The following ZNF536 variants were observed in gnomAD, a reference collection of about 807,000 sequenced individuals.
The protein encoded by ZNF536 is zinc finger protein 536.
A neutral mutation model predicts 84.5 loss-of-function variants in ZNF536; 13 were observed. The ratio of observed to expected loss-of-function variants is 0.15; its 90% CI spans 0.10 to 0.24. ZNF536 has a LOEUF of 0.24. Among genes scored for constraint, ZNF536 ranks in the 10% least tolerant of loss-of-function variants. The probability of loss-of-function intolerance (pLI) is 1.00; values close to 1 mark genes in which losing one functional copy is unlikely to be tolerated. For missense variants in ZNF536, 1,536 were observed against 1,747.5 expected, an observed-to-expected ratio of 0.88 and a Z score of 2.16; for synonymous variants, 811 against 742.5, an observed-to-expected ratio of 1.09 and a Z score of -1.50.
At chr19:30,287,322 G>A (rs1272163619) in intron 2 of ZNF536, among the ~76,000 whole-genome samples, 1 of 148,326 alleles carries the variant, frequency 6.7e-6, no homozygotes, top group African/African-American at 2.5e-5. Context: ...TAGATGAGTG[G>A]ATGGGTGGGT....
At chr19:30,600,888 C>A (rs1449605160) in intron 1 of ZNF536, among the ~76,000 whole-genome samples, 2 of 152,214 alleles carry the variant, frequency 1.3e-5, no homozygotes, top group African/African-American at 4.8e-5. Flanking sequence ...GAGAAGAGTT[C>A]TTTTGTTCCG....
rs538407509 is a variant in ZNF536 at position 30,695,961 on chromosome 19, A to G, written c.170-14796A>G. 9.3e-4 allele frequency among the ~76,000 whole-genome samples: 142 copies of G among 152,306 alleles called. 1 individual carries two copies. The highest frequency in any genetic ancestry group is 3.4e-3 in the Middle Eastern group (1 of 294). On this transcript the variant is annotated intron_variant, in intron 1 of 1. Transcript: ENST00000592773. ...GGGAAGCGAGGGATATTAAATGTGT[A>G]TCATAGGTGCTGCGTCTGCTAATTT... is the stretch of plus-strand genomic sequence containing the variant.
At chr19:30,390,570 G>A (rs745311509) in intron 1 of ZNF536, among the ~76,000 whole-genome samples, 3 of 152,218 alleles carry the variant, frequency 2.0e-5, no homozygotes, top group Non-Finnish European at 4.4e-5. Flanking sequence ...CTCTTTGAGA[G>A]CAAATCCCAC....
At chr19:30,252,689 TA>T (rs1250695129) in intron 1 of ZNF536, among the ~76,000 whole-genome samples, 1 of 152,226 alleles carries the variant, frequency 6.6e-6, no homozygotes, top group Non-Finnish European at 1.5e-5. Context: ...TTTGCCTGCC[TA>T]ATGGAGTGGC....
chr19:30,575,687 G>A (rs2046706573), intron 1 of ZNF536, among the ~76,000 whole-genome samples: 1 of 152,216 alleles, frequency 6.6e-6, no homozygotes, highest in African/African-American at 2.4e-5. Flanking sequence ...AGGCTATGGA[G>A]AGAAATAAGG....
chr19:30,375,634 T>C (rs754098283), intron 1 of ZNF536, among the ~76,000 whole-genome samples: 2 of 152,196 alleles, frequency 1.3e-5, no homozygotes, highest in African/African-American at 4.8e-5. Context: ...TGTCCGCTTG[T>C]GCGCATATGG....
chr19:30,699,006 G>A (rs1171420941), intron 1 of ZNF536, among the ~76,000 whole-genome samples: 1 of 152,184 alleles, frequency 6.6e-6, no homozygotes, highest in Non-Finnish European at 1.5e-5. Context: ...CTGATATTAT[G>A]TTGTTTACTT....
chr19:30,235,288 T>C (rs932118942), intron 1 of ZNF536, among the ~76,000 whole-genome samples: 1 of 152,218 alleles, frequency 6.6e-6, no homozygotes, highest in Non-Finnish European at 1.5e-5. Context: ...GCCAGCTGCA[T>C]TGGCCCAGGA....
intron 1 of ZNF536, among the ~76,000 whole-genome samples, chr19:30,395,378 T>A (rs1171295229): frequency 6.6e-6 from 1 of 152,176 alleles, no homozygotes; most frequent in East Asian, 1.9e-4. Context: ...TGGTTTGGGG[T>A]GGACCAGTTG....
At chr19:30,280,076 G>A (rs945022862) in intron 1 of ZNF536, among the ~76,000 whole-genome samples, 1 of 152,080 alleles carries the variant, frequency 6.6e-6, no homozygotes, top group East Asian at 1.9e-4. Flanking sequence ...AGGGGAAATT[G>A]AAGCAGCCCT....
chr19:30,367,794 C>A (rs2048484714), upstream of ZNF536, among the ~76,000 whole-genome samples: 1 of 152,192 alleles, frequency 6.6e-6, no homozygotes, highest in South Asian at 2.1e-4. Context: ...CAGGGAATGA[C>A]ACCGATGAGT....
chr19:30,607,031 A>T (rs2047923996), intron 1 of ZNF536, among the ~76,000 whole-genome samples: 1 of 152,160 alleles, frequency 6.6e-6, no homozygotes, highest in South Asian at 2.1e-4. Context: ...CATTGTACCA[A>T]CCTGGCTATC....
intron 1 of ZNF536, among the ~76,000 whole-genome samples, chr19:30,427,035 G>A (rs1365635672): frequency 6.6e-6 from 1 of 152,144 alleles, no homozygotes; most frequent in Non-Finnish European, 1.5e-5. Context: ...TAAATTTCTT[G>A]AGTGAGGTAA....
intron 1 of ZNF536, among the ~76,000 whole-genome samples, chr19:30,593,157 G>A (rs1287782293): frequency 2.6e-5 from 4 of 152,136 alleles, no homozygotes; most frequent in African/African-American, 9.7e-5. Flanking sequence ...GGCCTACCTC[G>A]CTCCGGCCTC....
intron 2 of ZNF536, among the ~76,000 whole-genome samples, chr19:30,478,781 T>G (rs939561581): frequency 6.6e-6 from 1 of 152,204 alleles, no homozygotes; most frequent in African/African-American, 2.4e-5. Flanking sequence ...AAATGTGGTA[T>G]AGCTTCGAGT....
chr19:30,524,799 G>A (rs546996342), intron 2 of ZNF536, among the ~76,000 whole-genome samples: 1 of 152,068 alleles, frequency 6.6e-6, no homozygotes, highest in African/African-American at 2.4e-5. Context: ...AATAAATTAC[G>A]TAGACATCTT....
At chr19:30,534,515 A>G (rs1288157283) in intron 2 of ZNF536, among the ~76,000 whole-genome samples, 1 of 152,204 alleles carries the variant, frequency 6.6e-6, no homozygotes, top group Non-Finnish European at 1.5e-5. Context: ...TTCAACAAAC[A>G]CCAACATTTT....
At chr19:30,611,964 T>C (rs190416070) in intron 1 of ZNF536, among the ~76,000 whole-genome samples, 1 of 152,202 alleles carries the variant, frequency 6.6e-6, no homozygotes, top group Non-Finnish European at 1.5e-5. Flanking sequence ...AAGGCTCCTG[T>C]GCACGGATCT....
chr19:30,406,714 A>G (rs1307161300), intron 1 of ZNF536, among the ~76,000 whole-genome samples: 6 of 152,062 alleles, frequency 3.9e-5, no homozygotes, highest in Non-Finnish European at 8.8e-5. Flanking sequence ...TGACCCCTGG[A>G]GACTGTCTGT....
Sources: allele counts gnomAD v4.1 joint callset (sites outside exome capture counted in the v4.1 genomes callset), GRCh38; gene constraint gnomAD v4.1.1; transcripts MANE v1.5; gene names NCBI Gene and HGNC (gene_info 2026-07-23, HGNC 2026-07-21).